HCN4: variants seen among roughly 807,000 people sequenced by gnomAD.
HCN4 encodes hyperpolarization activated cyclic nucleotide gated potassium channel 4, also known as potassium/sodium hyperpolarization-activated cyclic nucleotide-gated channel 4.
A neutral mutation model predicts 76.9 loss-of-function variants in HCN4; 29 were observed. That is an observed-to-expected ratio of 0.38 (90% CI 0.28 to 0.51). HCN4 has a LOEUF of 0.51. Ranked by LOEUF, HCN4 falls within the 20% of genes least tolerant of loss-of-function variation. The probability of loss-of-function intolerance (pLI) is 0.90; values close to 1 mark genes in which losing one functional copy is unlikely to be tolerated. For synonymous variants in HCN4, 772 were observed against 762.5 expected (o/e 1.01, Z -0.21); for missense variants, 1,416 against 1,715.2 (o/e 0.83, Z 3.08).
In HCN4 at chr15:73,325,424, G is replaced by A. The variant is rs1329175818; in HGVS notation, c.1611C>T (p.Tyr537=). The change falls in exon 5 of 8, where the codon TAC becomes TAT. Residue 537 remains tyrosine, a synonymous_variant. Transcript: ENST00000261917. The surrounding 1 kb of genome is among the most constrained non-coding windows in gnomAD (Gnocchi z 7.4). Reference sequence around the variant, plus strand: ...CGGGCGGGAGCTTGTGAAAGGACATGTACTGCTCCACCTGCTTGTACTGAG... The same window carrying A: ...CGGGCGGGAGCTTGTGAAAGGACATATACTGCTCCACCTGCTTGTACTGAG... ...YQEKYKQVEQ[Y]MSFHKLPPDT... is the part of the protein sequence containing the mutation. 1.5e-5 allele frequency: 24 copies of A among 1,614,120 alleles called. No individual in the cohort carries two copies. The highest frequency in any genetic ancestry group is 2.0e-5 in the Non-Finnish European group (24 of 1,179,978).
At chr15:73,344,652 C>G (rs775964859) in intron 1 of HCN4, among the ~76,000 whole-genome samples, 9 of 152,332 alleles carry the variant, frequency 5.9e-5, no homozygotes, top group African/African-American at 2.2e-4. Flanking sequence ...AGAATCATTT[C>G]TCCTAAGGCC....
At chr15:73,346,133 G>A (rs1196027835) in intron 1 of HCN4, among the ~76,000 whole-genome samples, 1 of 152,146 alleles carries the variant, frequency 6.6e-6, no homozygotes, top group Admixed American at 6.5e-5. Context: ...GCTGGGGTCG[G>A]GATCCTGGAT....
chr15:73,331,531 T>C (rs922469184), intron 3 of HCN4, among the ~76,000 whole-genome samples: 1 of 152,212 alleles, frequency 6.6e-6, no homozygotes, highest in Non-Finnish European at 1.5e-5. Flanking sequence ...CAGGCTGAAG[T>C]ACAAGCGAGC....
chr15:73,355,074 G>A (rs1174158307), intron 1 of HCN4, among the ~76,000 whole-genome samples: 1 of 152,228 alleles, frequency 6.6e-6, no homozygotes, highest in African/African-American at 2.4e-5. Flanking sequence ...CCAGAAAGGA[G>A]CAGGGGGCAG....
intron 3 of HCN4, among the ~76,000 whole-genome samples, chr15:73,331,596 GTTT>G (rs2042932915): frequency 6.6e-6 from 1 of 151,946 alleles, no homozygotes; most frequent in African/African-American, 2.4e-5. Flanking sequence ...ACACCAGCTA[GTTT>G]TTTAAAAATA....
At chr15:73,338,313 C>G (rs1200675366) in intron 2 of HCN4, among the ~76,000 whole-genome samples, 1 of 152,188 alleles carries the variant, frequency 6.6e-6, no homozygotes, top group Non-Finnish European at 1.5e-5. Flanking sequence ...GGGTTGAGCA[C>G]CTTCATTTCC....
chr15:73,346,468 A>G (rs2043030357), intron 1 of HCN4, among the ~76,000 whole-genome samples: 1 of 152,192 alleles, frequency 6.6e-6, no homozygotes, highest in African/African-American at 2.4e-5. Context: ...GGGAGGATCA[A>G]ATCTCCCAGA....
chr15:73,362,470 G>C (rs2043109295), intron 1 of HCN4, among the ~76,000 whole-genome samples: 1 of 152,238 alleles, frequency 6.6e-6, no homozygotes, highest in South Asian at 2.1e-4. Flanking sequence ...CAGACCTACT[G>C]AATCAGAATC....
In HCN4 at chr15:73,324,209, C is replaced by T. The variant is rs758215684; in HGVS notation, c.2023G>A (p.Ala675Thr). 1.2e-6 allele frequency: 2 copies of T among 1,614,072 alleles called. No homozygotes were observed. The highest frequency in any genetic ancestry group is 2.2e-5 in the South Asian group (2 of 91,084). ...GAGTAGAGGCGGCAGTAGGTGTCGGCCCTCACGCTGGCTGTGCGCCGGCCC... is the reference window on the plus strand; with the variant it reads ...GAGTAGAGGCGGCAGTAGGTGTCGGTCCTCACGCTGGCTGTGCGCCGGCCC... ...TRGRRTASVR[A>T]DTYCRLYSLS... The change falls in exon 7 of 8, where the codon GCC becomes ACC. Residue 675 changes from alanine (A) to threonine (T), a missense_variant. Physicochemically the swap from Ala to Thr is moderately conservative, Grantham distance 58. This residue lies in a region of HCN4 where 241 missense variants were observed against 379.4 expected (regional missense o/e 0.64). Transcript: ENST00000261917.
chr15:73,339,547 T>C (rs2042987024), intron 2 of HCN4, among the ~76,000 whole-genome samples: 1 of 152,192 alleles, frequency 6.6e-6, no homozygotes, highest in Non-Finnish European at 1.5e-5. Flanking sequence ...TCAGCTAACA[T>C]AAACCTTGCC....
chr15:73,322,715 G>A lies in HCN4; in HGVS notation c.3378C>T (p.Ser1126=), dbSNP rs758673317. 11 of 1,566,354 alleles carry A rather than the reference G, an allele frequency of 7.0e-6. No individual in the cohort carries two copies. Among genetic ancestry groups the A allele is most frequent in the South Asian group, 2.3e-5 (2 of 85,656 alleles). The part of the protein sequence containing the change: ...FPLFPRAGGG[S]GGSGSSGGLG... ...GGCCCCCGCTGCTCCCACTGCCCCC[G>A]CTGCCACCCCCAGCCCTGGGGAAGA... Residue 1126 remains serine, a synonymous_variant, in exon 8 of 8, where the codon AGC becomes AGT. Transcript: ENST00000261917.
chr15:73,323,600 G>C lies in HCN4; in HGVS notation c.2493C>G (p.Ser831=). ...QTPRHLKRLQ[S]LIPSALGSAS... ...CGGAGCCCAGCGCAGAAGGGATCAG[G>C]GACTGCAGCCGTTTCAGGTGCCTTG... The change falls in exon 8 of 8, where the codon TCC becomes TCG. Residue 831 remains serine (S), a synonymous_variant. Transcript: ENST00000261917. 1.9e-6 allele frequency: 3 copies of C among 1,601,438 alleles called. No homozygotes were observed. The highest frequency in any genetic ancestry group is 2.5e-6 in the Non-Finnish European group (3 of 1,179,098).
chr15:73,340,336 CCTGGAGACACGAATGGATG>C (rs1348158020), intron 2 of HCN4, among the ~76,000 whole-genome samples: 1 of 152,190 alleles, frequency 6.6e-6, no homozygotes, highest in Non-Finnish European at 1.5e-5. Context: ...GAGGCTGAGG[CCTGGAGACACGAATGGATG>C]CTGGAGGAGG....
rs569581988 is a variant in HCN4, at chr15:73,335,304, C to G, written c.1210-3012G>C. The G allele has an allele frequency of 2.6e-5, 4 of 152,428 alleles. No individual in the cohort carries two copies. The South Asian group carries it at 6.2e-4, about 24-fold the overall frequency. 9.4% of individuals were successfully genotyped at this position (152,428 alleles called of 1,614,324 possible). A position where few individuals can be genotyped will look rare whatever the true frequency, so the allele number is the denominator to read the frequency against. ...CGTGGGGGCAGGACAGCAGCCTCCC[C>G]GAGGCACATGGCTGAGTGCTGAGCT... On this transcript the variant is annotated intron_variant, in intron 2 of 7. Coordinates refer to ENST00000261917, the MANE Select transcript of HCN4 (RefSeq NM_005477.3).
In HCN4 at chr15:73,343,469, G is replaced by T; in HGVS notation, c.1125C>A (p.Arg375=). Residue 375 remains arginine (R), a synonymous_variant, in exon 2 of 8, where the codon CGC becomes CGA. Transcript: ENST00000261917. This position sits in a 1 kb window ranked among gnomAD's most constrained non-coding sequence, Gnocchi z 5.7. The stretch of plus-strand genomic sequence containing the variant: ...TGAGGATCTTCGTGAAGCGGACAAT[G>T]CGCAGGGCCCGGGCAGTCTTGTAGA... ...SEVYKTARAL[R]IVRFTKILSL... 1 of 1,614,220 alleles carries T rather than the reference G, an allele frequency of 6.2e-7. No homozygotes were observed. The highest frequency in any genetic ancestry group is 1.3e-5 in the African/African-American group (1 of 75,052).
At chr15:73,334,174 C>A (rs1481790982) in intron 2 of HCN4, among the ~76,000 whole-genome samples, 1 of 152,172 alleles carries the variant, frequency 6.6e-6, no homozygotes, top group Non-Finnish European at 1.5e-5. Flanking sequence ...CACTGGGGCA[C>A]AGACCAGCTC....
chr15:73,356,679 G>C (rs982812492), intron 1 of HCN4, among the ~76,000 whole-genome samples: 1 of 151,980 alleles, frequency 6.6e-6, no homozygotes, highest in African/African-American at 2.4e-5. Context: ...GGATTCTCTG[G>C]GGCATCTGGG....
intron 1 of HCN4, among the ~76,000 whole-genome samples, chr15:73,357,907 G>A (rs572945349): frequency 6.6e-6 from 1 of 152,250 alleles, no homozygotes; most frequent in South Asian, 2.1e-4. Flanking sequence ...AAAGAGGGAG[G>A]GAGATTCTCA....
intron 2 of HCN4, among the ~76,000 whole-genome samples, chr15:73,340,151 G>A (rs1014751215): frequency 2.6e-5 from 4 of 152,168 alleles, no homozygotes; most frequent in Admixed American, 2.6e-4. Flanking sequence ...GCCTGGCCAG[G>A]GTGGCAGTGG....
Sources: gnomAD v4.1 joint callset for allele counts (sites outside exome capture counted in the v4.1 genomes callset) on GRCh38, gnomAD v4.1.1 for gene constraint, gnomAD v4.1.1 regional missense constraint, Gnocchi (gnomAD v3.1) non-coding constraint, MANE v1.5 for transcripts, NCBI Gene and HGNC (gene_info 2026-07-23, HGNC 2026-07-21) for gene names.